TRIM44: variants seen among roughly 807,000 people sequenced by gnomAD.
TRIM44 encodes the protein tripartite motif containing 44, also known as tripartite motif-containing protein 44.
In TRIM44, 13 loss-of-function variants were observed where a neutral mutation model predicts 37.4. That is an observed-to-expected ratio of 0.35 (90% CI 0.23 to 0.55). TRIM44 has a LOEUF of 0.55. Among genes scored for constraint, TRIM44 ranks in the 20% least tolerant of loss-of-function variants. TRIM44 has a pLI of 0.89. For synonymous variants in TRIM44, 175 were observed against 157.2 expected (o/e 1.11, Z -0.85); for missense variants, 426 against 437.2 (o/e 0.97, Z 0.23).
At chr11:35,684,115 G>A (rs1455356790) in intron 1 of TRIM44, among the ~76,000 whole-genome samples, 1 of 152,070 alleles carries the variant, frequency 6.6e-6, no homozygotes, top group Non-Finnish European at 1.5e-5. Flanking sequence ...TGTGACTAAT[G>A]GCACTAGGGC....
At chr11:35,791,133 C>T (rs142214061) in intron 4 of TRIM44, among the ~76,000 whole-genome samples, 4 of 152,210 alleles carry the variant, frequency 2.6e-5, no homozygotes, top group Non-Finnish European at 5.9e-5. Context: ...CTAGCCTCTG[C>T]TTGGGAGCAA....
chr11:35,800,339 G>C (rs996268645), intron 4 of TRIM44, among the ~76,000 whole-genome samples: 2 of 152,172 alleles, frequency 1.3e-5, no homozygotes, highest in African/African-American at 4.8e-5. Flanking sequence ...AAGGGGACCC[G>C]AGTGGGTTGC....
intron 4 of TRIM44, among the ~76,000 whole-genome samples, chr11:35,758,971 A>G (rs1259935981): frequency 3.3e-5 from 5 of 152,084 alleles, no homozygotes; most frequent in Non-Finnish European, 7.4e-5. Context: ...CCTGACAGTT[A>G]TGTGTCTTGG....
In TRIM44 at chr11:35,809,818, T is replaced by A. The variant is rs913482541; in HGVS notation, c.*3433T>A. 1 of 151,786 alleles carries A rather than the reference T, an allele frequency of 6.6e-6. No individual in the cohort carries two copies. Among genetic ancestry groups the A allele is most frequent in the Non-Finnish European group, 1.5e-5 (1 of 67,954 alleles). The allele number at this position is 151,786 out of a possible 1,614,324, so 9.4% of individuals were successfully genotyped here. The stretch of plus-strand genomic sequence containing the variant: ...GGTTTTAGTGTGTGTGTCGGGGGAG[T>A]GTGTACCTATATATAAAGGACAAGT... On this transcript the variant is annotated 3_prime_UTR_variant, in exon 5 of 5. Transcript: ENST00000299413.
intron 4 of TRIM44, among the ~76,000 whole-genome samples, chr11:35,736,169 A>G (rs1020649504): frequency 6.6e-6 from 1 of 152,178 alleles, no homozygotes; most frequent in Non-Finnish European, 1.5e-5. Flanking sequence ...GTCACATAGA[A>G]TCAAGGGTTG....
chr11:35,758,216 G>A (rs529505143), intron 4 of TRIM44, among the ~76,000 whole-genome samples: 1 of 152,160 alleles, frequency 6.6e-6, no homozygotes, highest in Non-Finnish European at 1.5e-5. Context: ...AGGATAGTTA[G>A]CTCTTATTGT....
intron 4 of TRIM44, among the ~76,000 whole-genome samples, chr11:35,740,692 G>C (rs143339648): frequency 6.6e-6 from 1 of 152,268 alleles, no homozygotes; most frequent in East Asian, 1.9e-4. Flanking sequence ...CTGACTGTGT[G>C]ACCTTGGGCA....
chr11:35,686,367 TGTTTTTG>T (rs1851580849), intron 2 of TRIM44, among the ~76,000 whole-genome samples: 10 of 148,286 alleles, frequency 6.7e-5, no homozygotes, highest in African/African-American at 1.8e-4. Flanking sequence ...TTTTTGTTTT[TGTTTTTG>T]TTTTTTTTTT....
chr11:35,673,661 G>A (rs947625870), intron 1 of TRIM44, among the ~76,000 whole-genome samples: 127 of 152,284 alleles, frequency 8.3e-4, no homozygotes, highest in African/African-American at 3.0e-3. Context: ...GAAGTCTGGT[G>A]CCCTCTTTTT....
rs150045724 is a variant in TRIM44, at chr11:35,710,019, A to G, written c.748-15905A>G. 1.8e-3 allele frequency among the ~76,000 whole-genome samples: 281 copies of G among 152,344 alleles called. 2 individuals carry two copies. Among genetic ancestry groups the G allele is most frequent in the African/African-American group, 6.5e-3 (270 of 41,580 alleles). The stretch of plus-strand genomic sequence containing the variant: ...GTGAGGTACAGAAACAGCTGGATTC[A>G]TTACAGTTCAGCAGTTGCCTTATTT... On this transcript the variant is annotated intron_variant, in intron 2 of 4. Coordinates refer to ENST00000299413, the MANE Select transcript of TRIM44 (RefSeq NM_017583.6).
At chr11:35,711,535 A>G (rs1470149331) in intron 2 of TRIM44, among the ~76,000 whole-genome samples, 3 of 151,714 alleles carry the variant, frequency 2.0e-5, no homozygotes, top group Non-Finnish European at 4.4e-5. Context: ...TGGGAAAATA[A>G]GTGAGATAAT....
chr11:35,739,194 A>T (rs981346133), intron 4 of TRIM44, among the ~76,000 whole-genome samples: 1 of 152,198 alleles, frequency 6.6e-6, no homozygotes, highest in Non-Finnish European at 1.5e-5. Context: ...ACAGTTCATT[A>T]TGTCCAAAGT....
intron 2 of TRIM44, among the ~76,000 whole-genome samples, chr11:35,710,066 C>G (rs962548324): frequency 6.6e-6 from 1 of 152,176 alleles, no homozygotes; most frequent in Non-Finnish European, 1.5e-5. Context: ...GAACCCTCAG[C>G]AGTGTGTGAC....
intron 4 of TRIM44, among the ~76,000 whole-genome samples, chr11:35,756,900 C>T (rs906882543): frequency 2.0e-5 from 3 of 152,072 alleles, no homozygotes; most frequent in Admixed American, 6.6e-5. Flanking sequence ...CTGCTGGATT[C>T]GGTTTGCCAG....
Position 35,806,426 on chromosome 11 carries a change from T to G in TRIM44, c.*41T>G, listed in dbSNP as rs542056534. 16 of 1,610,648 alleles carry G rather than the reference T, an allele frequency of 9.9e-6. No homozygotes were observed. The highest frequency in any genetic ancestry group is 1.4e-5 in the Non-Finnish European group (16 of 1,177,026). On this transcript the variant is annotated 3_prime_UTR_variant, in exon 5 of 5. Coordinates refer to ENST00000299413, the MANE Select transcript of TRIM44 (RefSeq NM_017583.6). ...AGTGGAAAATCATCCCCTCCCCTTG[T>G]GTGTATGTGACAGCGTGTATGTAAC... is the stretch of plus-strand genomic sequence containing the variant.
intron 4 of TRIM44, among the ~76,000 whole-genome samples, chr11:35,753,592 T>C (rs1852585517): frequency 6.6e-6 from 1 of 152,226 alleles, no homozygotes; most frequent in Non-Finnish European, 1.5e-5. Flanking sequence ...GACAGGCAAG[T>C]ATTCTCTTGC....
chr11:35,773,646 G>A (rs756785247), intron 4 of TRIM44, among the ~76,000 whole-genome samples: 29 of 151,646 alleles, frequency 1.9e-4, no homozygotes, highest in African/African-American at 3.4e-4. Context: ...AACAGGCCCC[G>A]GTGTGTGGTG....
At chr11:35,704,155 T>C (rs976887026) in intron 2 of TRIM44, among the ~76,000 whole-genome samples, 5 of 152,016 alleles carry the variant, frequency 3.3e-5, no homozygotes, top group Admixed American at 2.0e-4. Flanking sequence ...AAAGAAAGGG[T>C]ATCAGTGATG....
chr11:35,754,814 T>C (rs1039786984), intron 4 of TRIM44, among the ~76,000 whole-genome samples: 1 of 152,154 alleles, frequency 6.6e-6, no homozygotes, highest in African/African-American at 2.4e-5. Context: ...TTCATCCATG[T>C]CCCTACAAAG....
Sources: gnomAD v4.1 joint callset for allele counts (sites outside exome capture counted in the v4.1 genomes callset) on GRCh38, gnomAD v4.1.1 for gene constraint, MANE v1.5 for transcripts, NCBI Gene and HGNC (gene_info 2026-07-23, HGNC 2026-07-21) for gene names.